The following TENT2 variants were observed in gnomAD, a reference collection of about 807,000 sequenced individuals.
TENT2 encodes poly(A) RNA polymerase GLD2.
A neutral mutation model predicts 72.2 loss-of-function variants in TENT2; 44 were observed. The ratio of observed to expected loss-of-function variants is 0.61; its 90% CI spans 0.48 to 0.78. TENT2 has a LOEUF of 0.78. TENT2 is among the 30% of genes least tolerant of loss of function. TENT2 has a pLI of 0.00. For synonymous variants in TENT2, 212 were observed against 192.5 expected, an observed-to-expected ratio of 1.10 and a Z score of -0.84; for missense variants, 541 against 569.6, an observed-to-expected ratio of 0.95 and a Z score of 0.51.
chr5:79,648,913 T>G (rs977332464), intron 9 of TENT2, 149 bp from the exon 10 acceptor site: 3 of 994,914 alleles, frequency 3.0e-6, no homozygotes, highest in Admixed American at 5.7e-5. Context: ...TAAGGTAAGT[T>G]TTAGACATAA....
intron 11 of TENT2, among the ~76,000 whole-genome samples, chr5:79,665,742 TA>T (rs986796461): frequency 1.6e-4 from 25 of 152,300 alleles, no homozygotes; most frequent in African/African-American, 5.8e-4. Context: ...TAAAAATTTG[TA>T]ACCCAAAAAT....
intron 4 of TENT2, among the ~76,000 whole-genome samples, chr5:79,626,240 A>G (rs1329365590): frequency 6.6e-6 from 1 of 151,458 alleles, no homozygotes; most frequent in Non-Finnish European, 1.5e-5. Flanking sequence ...GGTTCAAGTG[A>G]TTCTGCTGTC....
At chr5:79,648,154 A>T (rs1790646352) in intron 8 of TENT2, among the ~76,000 whole-genome samples, 1 of 152,076 alleles carries the variant, frequency 6.6e-6, no homozygotes, top group Admixed American at 6.6e-5. Flanking sequence ...GAGATTTAAA[A>T]ATTTTCGGCT....
In TENT2 at chr5:79,672,607, A is replaced by G. The variant is rs115631234; in HGVS notation, c.1208+3579A>G. ...GGCTTATTTCACTTAATGTCCTCCA[A>G]TTCCATCCATGATGTTGCAAATGAG... On this transcript the variant is annotated intron_variant, in intron 12 of 14. Transcript: ENST00000453514. Among the ~76,000 whole-genome samples, 887 of 152,276 alleles carry G rather than the reference A, an allele frequency of 5.8e-3. 3 individuals are homozygous for G. The highest frequency in any genetic ancestry group is 9.7e-3 in the Non-Finnish European group (661 of 68,024).
At chr5:79,683,313 T>TTACA (rs1554095309) in intron 14 of TENT2, among the ~76,000 whole-genome samples, 5 of 145,652 alleles carry the variant, frequency 3.4e-5, no homozygotes, top group African/African-American at 1.3e-4. Context: ...ACGCACATGC[T>TTACA]CACACACACA....
chr5:79,661,870 C>T (rs1343338564), intron 11 of TENT2, among the ~76,000 whole-genome samples: 2 of 152,194 alleles, frequency 1.3e-5, no homozygotes, highest in East Asian at 1.9e-4. Context: ...TAGCATTTTA[C>T]GTACAGTAGA....
chr5:79,678,457 T>C (rs903899316), intron 12 of TENT2, among the ~76,000 whole-genome samples: 1 of 152,126 alleles, frequency 6.6e-6, no homozygotes, highest in Non-Finnish European at 1.5e-5. Flanking sequence ...GTTCCTCAAA[T>C]TTATTTTTCT....
chr5:79,647,850 A>G (rs954959833), intron 8 of TENT2, among the ~76,000 whole-genome samples: 1 of 152,192 alleles, frequency 6.6e-6, no homozygotes, highest in African/African-American at 2.4e-5. Flanking sequence ...TGAACTGCAT[A>G]TATTTGCTTT....
At chr5:79,654,419 G>C (rs919877084) in intron 10 of TENT2, among the ~76,000 whole-genome samples, 1 of 150,400 alleles carries the variant, frequency 6.6e-6, no homozygotes, top group Non-Finnish European at 1.5e-5. Flanking sequence ...CAACAAGAGC[G>C]AAACTCTGTC....
chr5:79,617,618 G>C (rs35805677), intron 1 of TENT2: 30,878 of 152,032 alleles, frequency 0.2, 4,628 homozygotes, highest in African/African-American at 0.42. Context: ...CTTTGTTTCT[G>C]CCCTACATCA....
rs200591273 is a variant in TENT2 at position 79,681,057 on chromosome 5, GTT to G, written c.1301-919_1301-918del. 2.1e-4 allele frequency among the ~76,000 whole-genome samples: 27 copies of G among 130,062 alleles called. 1 individual carries two copies. The East Asian group carries it at 6.4e-3, about 31-fold the overall frequency. 85.3% of individuals were successfully genotyped at this position (130,062 alleles called of 152,430 possible). On this transcript the variant is annotated intron_variant, in intron 13 of 14. Transcript: ENST00000453514. ...ACACATACATAAAAACTGTTCCTTT[GTT>G]TTTTTCCTGTCTTCTGTTTGCTTTT...
intron 1 of TENT2, among the ~76,000 whole-genome samples, chr5:79,618,497 G>A (rs1041732791): frequency 6.6e-6 from 1 of 152,046 alleles, no homozygotes; most frequent in East Asian, 1.9e-4. Flanking sequence ...GCCTCCCAGA[G>A]TGCTGGGATT....
intron 4 of TENT2, among the ~76,000 whole-genome samples, chr5:79,631,823 T>A (rs1343797281): frequency 1.3e-5 from 2 of 152,142 alleles, no homozygotes; most frequent in Non-Finnish European, 2.9e-5. Context: ...GGGGAATGAG[T>A]CCTGTGTATA....
At chr5:79,644,546 G>A (rs1787219787) in intron 7 of TENT2, 1 of 152,016 alleles carries the variant, frequency 6.6e-6, no homozygotes, top group East Asian at 1.9e-4. Flanking sequence ...ATATATGTAT[G>A]TATGTAATAC....
chr5:79,675,305 A>G (rs1163138021), intron 12 of TENT2, among the ~76,000 whole-genome samples: 1 of 152,202 alleles, frequency 6.6e-6, no homozygotes. Flanking sequence ...AAAGTAGAAT[A>G]TATGGACACA....
chr5:79,660,299 A>C (rs1341184650), intron 11 of TENT2, among the ~76,000 whole-genome samples: 2 of 152,170 alleles, frequency 1.3e-5, no homozygotes, highest in South Asian at 2.1e-4. Context: ...TATTCAGTTG[A>C]ATAAATGAAG....
intron 14 of TENT2, among the ~76,000 whole-genome samples, 176 bp from the exon 15 acceptor site, chr5:79,685,023 A>C (rs1825509703): frequency 6.6e-6 from 1 of 152,214 alleles, no homozygotes; most frequent in Non-Finnish European, 1.5e-5. Context: ...GCACCACTGC[A>C]CTCCAGCTTG....
Position 79,663,062 on chromosome 5 carries a change from G to A in TENT2, c.1072-5830G>A, listed in dbSNP as rs190263500. On this transcript the variant is annotated intron_variant, in intron 11 of 14. Coordinates refer to ENST00000453514, the MANE Select transcript of TENT2 (RefSeq NM_001114394.3). The stretch of plus-strand genomic sequence containing the variant: ...TGTTCACTTTGTAATTTTATGTTAC[G>A]TAAATAGCTTCTTTCCTTAAACCTC... Among the ~76,000 whole-genome samples, 68 of 152,228 alleles carry A rather than the reference G, an allele frequency of 4.5e-4. 1 individual carries two copies. The highest frequency in any genetic ancestry group is 8.7e-4 in the Non-Finnish European group (59 of 68,000).
At position 79,678,177 on chromosome 5, in the gene TENT2, C is replaced by A. The variant is rs540107017; in HGVS notation, c.1209-1402C>A. Among the ~76,000 whole-genome samples, 6 of 152,148 alleles carry A rather than the reference C, an allele frequency of 3.9e-5. No individual in the cohort carries two copies. In the South Asian group the frequency reaches 8.3e-4, roughly 21 times the overall value. Reference sequence around the variant, plus strand: ...AAAACTTTCACAAACTCCTCTTGATCGGAACAAAAATAAATTATACTTTCA... The same window carrying A: ...AAAACTTTCACAAACTCCTCTTGATAGGAACAAAAATAAATTATACTTTCA... On this transcript the variant is annotated intron_variant, in intron 12 of 14. Transcript: ENST00000453514.
Sources: gnomAD v4.1 joint callset for allele counts (sites outside exome capture counted in the v4.1 genomes callset) on GRCh38, gnomAD v4.1.1 for gene constraint, MANE v1.5 for transcripts, NCBI Gene and HGNC (gene_info 2026-07-23, HGNC 2026-07-21) for gene names.